The following SYT1 variants were observed in gnomAD, a reference collection of about 807,000 sequenced individuals.
SYT1 encodes the protein synaptotagmin-1.
In SYT1, 8 loss-of-function variants were observed where a neutral mutation model predicts 44.8. That is an observed-to-expected ratio of 0.18 (90% CI 0.10 to 0.32). The LOEUF is 0.32. SYT1 is among the 10% of genes least tolerant of loss of function. The pLI, the probability that SYT1 is intolerant of heterozygous loss-of-function variation, is 1.00. For missense variants in SYT1, 286 were observed against 509.3 expected, an observed-to-expected ratio of 0.56 and a Z score of 4.22; for synonymous variants, 154 against 188.8, an observed-to-expected ratio of 0.82 and a Z score of 1.51.
chr12:79,202,000 A>G (rs1385477651), intron 3 of SYT1, among the ~76,000 whole-genome samples: 1 of 152,198 alleles, frequency 6.6e-6, no homozygotes, highest in Non-Finnish European at 1.5e-5. Context: ...CAGTGAAATT[A>G]TAGTATCTAT....
intron 4 of SYT1, among the ~76,000 whole-genome samples, chr12:79,246,412 C>T (rs1228861089): frequency 6.6e-6 from 1 of 151,834 alleles, no homozygotes; most frequent in Non-Finnish European, 1.5e-5. Flanking sequence ...TAACTTTTGC[C>T]TCTGTCTTAG....
intron 9 of SYT1, among the ~76,000 whole-genome samples, chr12:79,436,141 G>C (rs1870076048): frequency 6.6e-6 from 1 of 152,118 alleles, no homozygotes; most frequent in African/African-American, 2.4e-5. Context: ...CTTCCACACA[G>C]CTGTACTTTT....
intron 2 of SYT1, among the ~76,000 whole-genome samples, chr12:78,999,345 C>T (rs2137522323): frequency 6.6e-6 from 1 of 152,174 alleles, no homozygotes; most frequent in South Asian, 2.1e-4. Flanking sequence ...TATAGTTTCA[C>T]TTTCTGAGGG....
chr12:79,033,538 T>C (rs899993945), intron 2 of SYT1, among the ~76,000 whole-genome samples: 50 of 151,406 alleles, frequency 3.3e-4, no homozygotes, highest in African/African-American at 1.2e-3. Context: ...GGTTCTTAAC[T>C]TATGGTGAGC....
intron 2 of SYT1, among the ~76,000 whole-genome samples, chr12:79,000,077 C>A (rs2137525464): frequency 6.6e-6 from 1 of 152,224 alleles, no homozygotes; most frequent in Non-Finnish European, 1.5e-5. Context: ...GAATATAGGA[C>A]AGACAACATC....
At chr12:78,918,168 G>A (rs1876774123) in intron 1 of SYT1, among the ~76,000 whole-genome samples, 2 of 152,066 alleles carry the variant, frequency 1.3e-5, no homozygotes, top group South Asian at 2.1e-4. Flanking sequence ...GAAGACACAT[G>A]TTTTATTGTA....
intron 3 of SYT1, among the ~76,000 whole-genome samples, chr12:79,097,415 A>G (rs1417795471): frequency 6.6e-6 from 1 of 152,040 alleles, no homozygotes; most frequent in Admixed American, 6.6e-5. Context: ...TCTAAGATGC[A>G]TGAGACTGCC....
At chr12:79,118,584 A>G (rs1229717068) in intron 3 of SYT1, among the ~76,000 whole-genome samples, 1 of 152,214 alleles carries the variant, frequency 6.6e-6, no homozygotes, top group Non-Finnish European at 1.5e-5. Flanking sequence ...TAGTATAGAA[A>G]TTAGAAAGGA....
At chr12:79,340,581 G>T (rs989558340) in intron 8 of SYT1, among the ~76,000 whole-genome samples, 1 of 152,158 alleles carries the variant, frequency 6.6e-6, no homozygotes, top group Non-Finnish European at 1.5e-5. Context: ...AGACAATGGG[G>T]TTTTCTAAAT....
At chr12:79,067,824 T>TC (rs1299593274) in intron 3 of SYT1, among the ~76,000 whole-genome samples, 3 of 152,170 alleles carry the variant, frequency 2.0e-5, no homozygotes, top group Non-Finnish European at 4.4e-5. Flanking sequence ...TCCCCTAGGA[T>TC]CAAGCTGCCA....
At chr12:78,978,763 A>C (rs1208063516) in intron 2 of SYT1, among the ~76,000 whole-genome samples, 1 of 152,202 alleles carries the variant, frequency 6.6e-6, no homozygotes, top group East Asian at 1.9e-4. Flanking sequence ...CAGGAGAAAT[A>C]GTGTTACAGT....
At chr12:79,403,444 G>A (rs1159316576) in intron 9 of SYT1, among the ~76,000 whole-genome samples, 2 of 152,158 alleles carry the variant, frequency 1.3e-5, no homozygotes, top group Non-Finnish European at 1.5e-5. Context: ...TTCTTCAGGG[G>A]AGGTCTTTTT....
chr12:79,147,194 A>G (rs1869973836), intron 3 of SYT1, among the ~76,000 whole-genome samples: 1 of 152,206 alleles, frequency 6.6e-6, no homozygotes, highest in Admixed American at 6.5e-5. Context: ...CATTGTTTGT[A>G]AACTGAATCT....
At chr12:79,029,689 A>C (rs549446669) in intron 2 of SYT1, among the ~76,000 whole-genome samples, 1 of 151,204 alleles carries the variant, frequency 6.6e-6, no homozygotes, top group African/African-American at 2.4e-5. Context: ...TACATGGTAT[A>C]AGTTAAGTAA....
intron 2 of SYT1, among the ~76,000 whole-genome samples, chr12:79,032,834 C>T (rs1289768019): frequency 2.6e-5 from 4 of 151,098 alleles, no homozygotes; most frequent in Non-Finnish European, 4.4e-5. Flanking sequence ...AAAATCACAA[C>T]GCTAAGGGAT....
chr12:79,269,267 C>T (rs1320703562), intron 4 of SYT1, among the ~76,000 whole-genome samples: 1 of 152,020 alleles, frequency 6.6e-6, no homozygotes, highest in East Asian at 1.9e-4. Context: ...AATAAAGTCC[C>T]TCTCCATGAG....
At chr12:79,366,453 GC>G (rs1883546663) in intron 9 of SYT1, among the ~76,000 whole-genome samples, 1 of 152,230 alleles carries the variant, frequency 6.6e-6, no homozygotes, top group Non-Finnish European at 1.5e-5. Context: ...CCCTGACCTT[GC>G]CAAGAGGCAG....
intron 1 of SYT1, among the ~76,000 whole-genome samples, chr12:78,957,734 G>A (rs559644916): frequency 6.6e-6 from 1 of 152,100 alleles, no homozygotes; most frequent in South Asian, 2.1e-4. Flanking sequence ...GGGTTGTTAA[G>A]GTCCTGTGCA....
At chr12:79,391,623 C>T (rs1258605395) in intron 9 of SYT1, among the ~76,000 whole-genome samples, 2 of 151,974 alleles carry the variant, frequency 1.3e-5, no homozygotes, top group African/African-American at 4.8e-5. Context: ...AAGATGTTGC[C>T]AAAAGCAAAG....
Sources: allele counts gnomAD v4.1 joint callset (sites outside exome capture counted in the v4.1 genomes callset), GRCh38; gene constraint gnomAD v4.1.1; transcripts MANE v1.5; gene names NCBI Gene and HGNC (gene_info 2026-07-23, HGNC 2026-07-21).